Variants in GLIS3 observed in about 807,000 individuals in gnomAD.
GLIS3 encodes the protein zinc finger protein GLIS3.
Under a neutral mutation model 78.6 loss-of-function variants are expected in GLIS3, and 53 were observed. The observed-to-expected ratio is 0.67, with a 90% CI of 0.54 to 0.85. The LOEUF is 0.85. Ranked by LOEUF, GLIS3 falls within the 40% of genes least tolerant of loss-of-function variation. The probability of loss-of-function intolerance (pLI) is 0.00; values close to 1 mark genes in which losing one functional copy is unlikely to be tolerated. For synonymous variants in GLIS3, 684 were observed against 509.9 expected (o/e 1.34, Z -4.60); for missense variants, 1,703 against 1,231.1 (o/e 1.38, Z -5.74).
At chr9:4,429,615 C>A in the GLIS3 span, among the ~76,000 whole-genome samples, 1 of 152,166 alleles carries the variant, frequency 6.6e-6, no homozygotes, top group Non-Finnish European at 1.5e-5. Context: ...AATTTTACAT[C>A]TATGTGTATG....
At chr9:4,356,928 A>G in the GLIS3 span, among the ~76,000 whole-genome samples, 1 of 152,230 alleles carries the variant, frequency 6.6e-6, no homozygotes, top group African/African-American at 2.4e-5. Context: ...CATTTTCAAA[A>G]TATTTTAATA....
At chr9:4,395,145 C>A in the GLIS3 span, among the ~76,000 whole-genome samples, 1 of 152,126 alleles carries the variant, frequency 6.6e-6, no homozygotes, top group Non-Finnish European at 1.5e-5. Context: ...TTATGCAGAC[C>A]ATGTTCATAC....
At chr9:4,280,064 G>T (rs11790508) in intron 2 of GLIS3, among the ~76,000 whole-genome samples, 1 of 152,264 alleles carries the variant, frequency 6.6e-6, no homozygotes, top group African/African-American at 2.4e-5. Context: ...CTGTCACCCA[G>T]GCTTGAGTGC....
intron 4 of GLIS3, among the ~76,000 whole-genome samples, chr9:4,017,588 G>A (rs1588461385): frequency 6.6e-6 from 1 of 152,162 alleles, no homozygotes. Flanking sequence ...GAGTAGAGAT[G>A]ATCAGAGAGA....
chr9:3,988,659 A>G (rs530868032), intron 4 of GLIS3, among the ~76,000 whole-genome samples: 1 of 152,332 alleles, frequency 6.6e-6, no homozygotes, highest in African/African-American at 2.4e-5. Flanking sequence ...TGAAGGAAGA[A>G]TAGTCTTTAC....
chr9:3,885,540 G>A (rs1822019923), intron 7 of GLIS3, among the ~76,000 whole-genome samples: 1 of 152,208 alleles, frequency 6.6e-6, no homozygotes, highest in Non-Finnish European at 1.5e-5. Context: ...ATTGCTTGGT[G>A]GCTGGAACAT....
At chr9:4,247,778 C>G (rs1338596803) in intron 2 of GLIS3, among the ~76,000 whole-genome samples, 1 of 152,130 alleles carries the variant, frequency 6.6e-6, no homozygotes, top group Non-Finnish European at 1.5e-5. Context: ...GAGAAGTTTT[C>G]TCATAATTAT....
chr9:4,410,387 A>G, the GLIS3 span, among the ~76,000 whole-genome samples: 1 of 152,236 alleles, frequency 6.6e-6, no homozygotes, highest in Non-Finnish European at 1.5e-5. Context: ...AACCATCCTT[A>G]ATTCTTTAGT....
chr9:3,990,580 G>A (rs1030023026), intron 4 of GLIS3, among the ~76,000 whole-genome samples: 4 of 152,116 alleles, frequency 2.6e-5, no homozygotes, highest in Non-Finnish European at 5.9e-5. Flanking sequence ...GCTCTGTAGG[G>A]TGAACAGAAA....
upstream of GLIS3, among the ~76,000 whole-genome samples, chr9:4,352,781 G>C (rs971965223): frequency 1.3e-5 from 2 of 152,198 alleles, no homozygotes; most frequent in African/African-American, 2.4e-5. Context: ...TCAAAATACA[G>C]AATTGGTCAT....
intron 2 of GLIS3, among the ~76,000 whole-genome samples, chr9:4,248,621 G>A (rs938981942): frequency 6.6e-6 from 1 of 152,080 alleles, no homozygotes; most frequent in Admixed American, 6.6e-5. Context: ...GGGATTGCTG[G>A]GTCAAATGGT....
the GLIS3 span, among the ~76,000 whole-genome samples, chr9:4,445,933 A>G: frequency 2.6e-5 from 4 of 152,252 alleles, no homozygotes; most frequent in Admixed American, 2.6e-4. Context: ...AGTTTTCACC[A>G]TATCAGAGTA....
intron 3 of GLIS3, among the ~76,000 whole-genome samples, chr9:4,309,859 T>C (rs189782106): frequency 1.3e-5 from 2 of 152,322 alleles, no homozygotes; most frequent in East Asian, 1.9e-4. Flanking sequence ...ATGTAGAACT[T>C]TGTATTAGAG....
intron 2 of GLIS3, among the ~76,000 whole-genome samples, chr9:4,278,266 A>G (rs1163307993): frequency 6.6e-6 from 1 of 152,198 alleles, no homozygotes; most frequent in Non-Finnish European, 1.5e-5. Context: ...ATGACATCCC[A>G]CAGTCAACAA....
At chr9:4,333,599 G>A (rs1039683165) in intron 2 of GLIS3, among the ~76,000 whole-genome samples, 6 of 152,038 alleles carry the variant, frequency 3.9e-5, no homozygotes, top group South Asian at 4.1e-4. Flanking sequence ...TCAGAAAAGT[G>A]ACCTATTCAA....
In GLIS3 at chr9:3,932,382, T is replaced by G; in HGVS notation, c.1961A>C (p.Lys654Thr). 6.2e-7 allele frequency: 1 copy of G among 1,613,248 alleles called. No individual in the cohort carries two copies. The highest frequency in any genetic ancestry group is 8.5e-7 in the Non-Finnish European group (1 of 1,179,332). ...TACCTTTTTCCTTGCTTGTTGCTCT[T>G]TGGAAGAATGTGCCTTCACATGCTT... ...LRKHVKAHSS[K>T]EQQARKKLRS... The change falls in exon 6 of 11, where the codon AAA (lysine) becomes ACA (threonine). Residue 654 changes from lysine to threonine, a missense_variant. Physicochemically the swap from Lys to Thr is moderately conservative, Grantham distance 78 (BLOSUM62 -1). Coordinates refer to ENST00000381971, the MANE Select transcript of GLIS3 (RefSeq NM_001042413.2).
intron 1 of GLIS3, among the ~76,000 whole-genome samples, chr9:4,298,037 C>G (rs1213772852): frequency 3.3e-5 from 5 of 152,150 alleles, no homozygotes; most frequent in Non-Finnish European, 7.4e-5. Flanking sequence ...CCCTCGGCCC[C>G]GTGCGCGAGC....
the GLIS3 span, among the ~76,000 whole-genome samples, chr9:4,368,752 G>A: frequency 3.9e-5 from 6 of 152,182 alleles, no homozygotes; most frequent in Non-Finnish European, 8.8e-5. Context: ...TCAGCTTTAA[G>A]AAGAGGAGGA....
In GLIS3 at chr9:3,943,770, T is replaced by G. The variant is rs190653568; in HGVS notation, c.1711-6581A>C. ...ACTTTGGTCTCAATGAGTCAATCAC[T>G]CACTGAGTGCGTGCCGGTCATCTGG... On this transcript the variant is annotated intron_variant, in intron 4 of 10. Transcript: ENST00000381971. 2.5e-3 allele frequency among the ~76,000 whole-genome samples: 377 copies of G among 152,330 alleles called. 1 individual carries two copies. Among genetic ancestry groups the G allele is most frequent in the African/African-American group, 8.2e-3 (343 of 41,576 alleles).
Sources: allele counts gnomAD v4.1 joint callset (sites outside exome capture counted in the v4.1 genomes callset), GRCh38; gene constraint gnomAD v4.1.1; transcripts MANE v1.5; gene names NCBI Gene and HGNC (gene_info 2026-07-23, HGNC 2026-07-21).